AKAP6: variants seen among roughly 807,000 people sequenced by gnomAD.
The protein encoded by AKAP6 is A-kinase anchor protein 6.
Under a neutral mutation model 188.5 loss-of-function variants are expected in AKAP6, and 58 were observed. The observed-to-expected ratio is 0.31, with a 90% confidence interval of 0.25 to 0.38. The LOEUF is 0.38. AKAP6 is among the 10% of genes least tolerant of loss of function. The pLI is 1.00. For missense variants in AKAP6, 2,710 were observed against 2,740.0 expected (o/e 0.99, Z 0.24); for synonymous variants, 989 against 998.6 (o/e 0.99, Z 0.18).
chr14:32,710,845 A>G (rs1398583042), intron 9 of AKAP6, among the ~76,000 whole-genome samples: 1 of 152,084 alleles, frequency 6.6e-6, no homozygotes, highest in Non-Finnish European at 1.5e-5. Context: ...GGGGCTGACA[A>G]CTATGACCTG....
chr14:32,352,653 ATGT>A (rs932456715), intron 1 of AKAP6, among the ~76,000 whole-genome samples: 2 of 152,254 alleles, frequency 1.3e-5, no homozygotes, highest in South Asian at 2.1e-4. Flanking sequence ...GAGTGCGATC[ATGT>A]TGTATTTGTC....
intron 2 of AKAP6, among the ~76,000 whole-genome samples, chr14:32,471,847 A>ATT (rs1484581490): frequency 6.6e-6 from 1 of 152,250 alleles, no homozygotes; most frequent in Admixed American, 6.5e-5. Flanking sequence ...TGTGCTAAGG[A>ATT]AGCACAGATA....
chr14:32,514,372 G>A (rs1881413802), intron 2 of AKAP6, among the ~76,000 whole-genome samples: 1 of 152,168 alleles, frequency 6.6e-6, no homozygotes, highest in Non-Finnish European at 1.5e-5. Flanking sequence ...ATTTATTTAT[G>A]TGGGGGAGGA....
chr14:32,708,922 G>C (rs561106138), intron 9 of AKAP6, among the ~76,000 whole-genome samples: 1 of 151,992 alleles, frequency 6.6e-6, no homozygotes, highest in East Asian at 1.9e-4. Flanking sequence ...CATCTGCCTG[G>C]TGGTACTAAA....
intron 9 of AKAP6, among the ~76,000 whole-genome samples, chr14:32,706,021 C>T (rs909150421): frequency 1.3e-5 from 2 of 152,092 alleles, no homozygotes; most frequent in African/African-American, 4.8e-5. Flanking sequence ...GGAAATGCAG[C>T]CCTACCATGT....
intron 8 of AKAP6, among the ~76,000 whole-genome samples, chr14:32,682,670 C>A (rs531424030): frequency 6.6e-6 from 1 of 152,188 alleles, no homozygotes; most frequent in Non-Finnish European, 1.5e-5. Context: ...GGTTCTTAAC[C>A]GAGATAGTGC....
intron 2 of AKAP6, among the ~76,000 whole-genome samples, chr14:32,449,521 C>CAAAA (rs33960351): frequency 9.6e-6 from 1 of 104,616 alleles, no homozygotes. Context: ...GACTCCATCT[C>CAAAA]AAAAAAAAAA....
intron 11 of AKAP6, among the ~76,000 whole-genome samples, chr14:32,764,695 TACACAC>T (rs34290753): frequency 0.019 from 2,775 of 148,438 alleles, 80 homozygotes; most frequent in African/African-American, 0.064. Context: ...ATGACAATAA[TACACAC>T]ACACACACAC....
Position 32,807,048 on chromosome 14 carries a change from C to T in AKAP6, c.3589-14354C>T, listed in dbSNP as rs556945189. Among the ~76,000 whole-genome samples the T allele has an allele frequency of 3.5e-4, 49 of 140,582 alleles. 1 individual carries two copies. Among genetic ancestry groups the T allele is most frequent in the African/African-American group, 9.9e-4 (37 of 37,360 alleles). The allele number at this position is 140,582 out of a possible 152,430, so 92.2% of individuals were successfully genotyped here. A position where few individuals can be genotyped will look rare whatever the true frequency, so the allele number is the denominator to read the frequency against. On this transcript the variant is annotated intron_variant, in intron 12 of 13. Transcript: ENST00000280979. ...CAGCCTGGGTGACAGAGCGAGACTC[C>T]ATCTCAAAGAAAGGGGGGGAAATAT...
chr14:32,394,696 G>A (rs1215012403), intron 1 of AKAP6, among the ~76,000 whole-genome samples: 2 of 152,102 alleles, frequency 1.3e-5, no homozygotes, highest in Non-Finnish European at 2.9e-5. Flanking sequence ...TGTTGCATGT[G>A]TCTGTTTTTA....
At chr14:32,778,014 G>A (rs1344923113) in intron 12 of AKAP6, among the ~76,000 whole-genome samples, 3 of 152,138 alleles carry the variant, frequency 2.0e-5, no homozygotes, top group Non-Finnish European at 4.4e-5. Context: ...ACTCTAGCCT[G>A]GATGACAGTC....
intron 2 of AKAP6, among the ~76,000 whole-genome samples, chr14:32,443,167 A>G (rs1182137842): frequency 6.6e-6 from 1 of 152,038 alleles, no homozygotes; most frequent in Non-Finnish European, 1.5e-5. Context: ...CGGCCGAGGC[A>G]GGTGGATCAC....
chr14:32,344,302 T>C (rs190034512), intron 1 of AKAP6, among the ~76,000 whole-genome samples: 11 of 152,330 alleles, frequency 7.2e-5, no homozygotes, highest in African/African-American at 2.6e-4. Context: ...GTGTCCTGAA[T>C]ATAACACCAA....
rs35716814 is a variant in AKAP6 at position 32,585,032 on chromosome 14, G to GTT, written c.2469+7800_2469+7801dup. 1.8e-3 allele frequency among the ~76,000 whole-genome samples: 264 copies of GTT among 148,546 alleles called. 1 individual carries two copies. The highest frequency in any genetic ancestry group is 3.0e-3 in the East Asian group (15 of 5,082). ...GTCATAAATAGTTCTTGGGTAACTA[G>GTT]TTTTTTTTTTTCCCCTTTAAGAGAT... On this transcript the variant is annotated intron_variant, in intron 5 of 13. Coordinates refer to ENST00000280979, the MANE Select transcript of AKAP6 (RefSeq NM_004274.5).
intron 1 of AKAP6, among the ~76,000 whole-genome samples, chr14:32,367,257 G>C (rs1215245183): frequency 6.6e-6 from 1 of 152,156 alleles, no homozygotes; most frequent in Non-Finnish European, 1.5e-5. Context: ...TTGCCTCCTG[G>C]AGTCTTAACG....
At chr14:32,344,940 G>A (rs1032950685) in intron 1 of AKAP6, among the ~76,000 whole-genome samples, 1 of 148,214 alleles carries the variant, frequency 6.7e-6, no homozygotes, top group Admixed American at 6.7e-5. Flanking sequence ...AAAAAAAAGA[G>A]AGAGAGTATA....
At chr14:32,523,371 T>C (rs1881954497) in intron 2 of AKAP6, among the ~76,000 whole-genome samples, 2 of 151,928 alleles carry the variant, frequency 1.3e-5, no homozygotes, top group Non-Finnish European at 2.9e-5. Context: ...CCCAATACAT[T>C]AACAGATCTA....
intron 1 of AKAP6, among the ~76,000 whole-genome samples, chr14:32,331,983 T>C (rs976471847): frequency 6.6e-6 from 1 of 152,262 alleles, no homozygotes; most frequent in Middle Eastern, 3.4e-3. Context: ...ATAACAATCA[T>C]AGCTATCATT....
Position 32,604,075 on chromosome 14 carries a change from A to T in AKAP6, c.2730+3283A>T, listed in dbSNP as rs1886041910. 2.0e-5 allele frequency among the ~76,000 whole-genome samples: 3 copies of T among 152,192 alleles called. 1 individual carries two copies. In the South Asian group the frequency reaches 6.2e-4, roughly 32 times the overall value. Reference sequence around the variant, plus strand: ...ATTAAGGTGCCTTACTTCTTAAGAGAAAACCAAACAAAAACCCTCCACTTA... The same window carrying T: ...ATTAAGGTGCCTTACTTCTTAAGAGTAAACCAAACAAAAACCCTCCACTTA... On this transcript the variant is annotated intron_variant, in intron 7 of 13. Coordinates refer to ENST00000280979, the MANE Select transcript of AKAP6 (RefSeq NM_004274.5).
Sources: gnomAD v4.1 joint callset for allele counts (sites outside exome capture counted in the v4.1 genomes callset) on GRCh38, gnomAD v4.1.1 for gene constraint, MANE v1.5 for transcripts, NCBI Gene and HGNC (gene_info 2026-07-23, HGNC 2026-07-21) for gene names.